Variants in NKAPD1 observed in about 807,000 individuals in gnomAD.
NKAPD1 encodes the protein NKAP domain containing 1.
In NKAPD1, 12 loss-of-function variants were observed where a neutral mutation model predicts 30.9. That is an observed-to-expected ratio of 0.39 (90% CI 0.25 to 0.63). The LOEUF (loss-of-function observed/expected upper bound fraction) is 0.63. NKAPD1 is among the 20% of genes least tolerant of loss of function. The pLI, the probability that NKAPD1 is intolerant of heterozygous loss-of-function variation, is 0.51. For synonymous variants in NKAPD1, 91 were observed against 113.6 expected, an observed-to-expected ratio of 0.80 and a Z score of 1.26; for missense variants, 311 against 344.5, an observed-to-expected ratio of 0.90 and a Z score of 0.77.
intron 3 of NKAPD1, among the ~76,000 whole-genome samples, chr11:112,079,455 A>T (rs1865398450): frequency 1.3e-5 from 2 of 151,958 alleles, no homozygotes; most frequent in Non-Finnish European, 2.9e-5. Flanking sequence ...CCCCTTAAAA[A>T]TTTTTGATAA....
At position 112,083,134 on chromosome 11, in the gene NKAPD1, C is replaced by G. The variant is rs914200741; in HGVS notation, c.*162C>G. 1.6e-6 allele frequency: 1 copy of G among 619,442 alleles called. No individual in the cohort carries two copies. The highest frequency in any genetic ancestry group is 1.9e-5 in the African/African-American group (1 of 54,042). The allele number at this position is 619,442 out of a possible 1,614,324, so 38.4% of individuals were successfully genotyped here. On this transcript the variant is annotated 3_prime_UTR_variant, in exon 6 of 6. Transcript: ENST00000393047. Reference sequence around the variant, plus strand: ...TCTTGTCTTCTATTTTGGCGTTAAGCTTGATCCCCTTTTCTTGTTAAAAGG... The same window carrying G: ...TCTTGTCTTCTATTTTGGCGTTAAGGTTGATCCCCTTTTCTTGTTAAAAGG...
At chr11:112,080,287 T>TA (rs398017598) in intron 3 of NKAPD1, 122 bp from the exon 4 acceptor site, 42 of 822,280 alleles carry the variant, frequency 5.1e-5, no homozygotes, top group African/African-American at 4.9e-4. Flanking sequence ...TTTTTTTTTT[T>TA]AAACAGTATC....
chr11:112,081,899 A>T, intron 4 of NKAPD1, 83 bp from the exon 5 acceptor site: 1 of 1,084,180 alleles, frequency 9.2e-7, no homozygotes, highest in Non-Finnish European at 1.4e-6. Flanking sequence ...GTATGCATGT[A>T]CTCCAAAGTC....
rs758322565 is a variant in NKAPD1 at position 112,075,552 on chromosome 11, G to A, written c.-8-15G>A. 2.5e-6 allele frequency: 4 copies of A among 1,568,648 alleles called. No homozygotes were observed. On this transcript the variant is annotated splice_polypyrimidine_tract_variant and intron_variant, in intron 1 of 5. Transcript: ENST00000393047. ...CAGAAATTATTACTAAACGTTATTT[G>A]TTGATTCATTTCAGATTGAAGAATG... is the stretch of plus-strand genomic sequence containing the variant.
intron 2 of NKAPD1, among the ~76,000 whole-genome samples, chr11:112,077,996 C>G (rs753444240): frequency 3.9e-5 from 6 of 152,076 alleles, no homozygotes; most frequent in Non-Finnish European, 8.8e-5. Context: ...CAGGTGCATG[C>G]TACCACGCCC....
intron 2 of NKAPD1, among the ~76,000 whole-genome samples, chr11:112,076,968 G>C (rs1160040019): frequency 6.6e-6 from 1 of 152,210 alleles, no homozygotes; most frequent in Non-Finnish European, 1.5e-5. Flanking sequence ...TTGGAGTAGA[G>C]GAGAAAAGTT....
At position 112,082,943 on chromosome 11, in the gene NKAPD1, A is replaced by G. The variant is rs556463514; in HGVS notation, c.853A>G (p.Arg285Gly). Residue 285 changes from arginine to glycine, a missense_variant, in exon 6 of 6, where the codon AGG (arginine) becomes GGG (glycine). Arg to Gly is a moderately radical substitution (Grantham distance 125). Coordinates refer to ENST00000393047, the MANE Select transcript of NKAPD1 (RefSeq NM_018195.4). ...AAATTGGAAAGTAGCTACAGATGAA[A>G]GGTCTGCTGAGAGCTCAGAGGATGA... ...RTNWKVATDE[R>G]SAESSEDD 6.2e-7 allele frequency: 1 copy of G among 1,602,318 alleles called. No individual in the cohort carries two copies. The highest frequency in any genetic ancestry group is 2.2e-5 in the East Asian group (1 of 44,842).
At position 112,080,453 on chromosome 11, in the gene NKAPD1, A is replaced by G; in HGVS notation, c.215A>G (p.Tyr72Cys). Residue 72 changes from tyrosine (Y) to cysteine (C), a missense_variant, in exon 4 of 6, where the codon TAT becomes TGT. By Grantham distance (194) the Tyr-to-Cys change is radical. Coordinates refer to ENST00000393047, the MANE Select transcript of NKAPD1 (RefSeq NM_018195.4). ...TTTGATGAAGAAAGTCAAAGATACT[A>G]TTGGAGGCCAAAGAATGAAATTTCT... ...DGFDEESQRY[Y>C]WRPKNEISGT... The G allele has an allele frequency of 6.2e-6, 10 of 1,614,096 alleles. No homozygotes were observed. The highest frequency in any genetic ancestry group is 8.5e-6 in the Non-Finnish European group (10 of 1,180,008).
rs1394799639 is a variant in NKAPD1 at position 112,082,522 on chromosome 11, T to G, written c.432T>G (p.Ser144=). Residue 144 remains serine (S), a synonymous_variant, in exon 6 of 6, where the codon TCT becomes TCG. Coordinates refer to ENST00000393047, the MANE Select transcript of NKAPD1 (RefSeq NM_018195.4). ...GKKTSPQVKS[S]THESRKHKKS... is the part of the protein sequence containing the mutation. ...AAACATCTCCCCAGGTAAAGTCATCTACCCATGAATCCCGCAAACACAAGA... is the reference window on the plus strand; with the variant it reads ...AAACATCTCCCCAGGTAAAGTCATCGACCCATGAATCCCGCAAACACAAGA... 1.2e-6 allele frequency: 2 copies of G among 1,607,684 alleles called. No individual in the cohort carries two copies. The highest frequency in any genetic ancestry group is 1.7e-5 in the Admixed American group (1 of 58,242).
rs1278737862 is a variant in NKAPD1 at position 112,078,161 on chromosome 11, T to TA, written c.70-52dup. ...GCCCGGCCAGTTAGTTACTTTTCTG[T>TA]AATGTAAAGTTATTTTTAGTAACTT... On this transcript the variant is annotated intron_variant, in intron 2 of 5. Transcript: ENST00000393047. The TA allele has an allele frequency of 8.0e-6, 11 of 1,376,354 alleles. No homozygotes were observed. In the East Asian group the frequency reaches 1.8e-4, roughly 22 times the overall value. 85.3% of individuals were successfully genotyped at this position (1,376,354 alleles called of 1,614,324 possible).
At chr11:112,075,989 C>A (rs925848285) in intron 2 of NKAPD1, among the ~76,000 whole-genome samples, 1 of 152,174 alleles carries the variant, frequency 6.6e-6, no homozygotes, top group Admixed American at 6.5e-5. Context: ...TATGAAATAT[C>A]ATTCTGGATA....
At chr11:112,078,079 CATG>C (rs1171637293) in intron 2 of NKAPD1, 133 bp from the exon 3 acceptor site, 3 of 587,022 alleles carry the variant, frequency 5.1e-6, no homozygotes, top group African/African-American at 3.8e-5. Flanking sequence ...CTCTTGACCT[CATG>C]ATCTGCCTGC....
chr11:112,077,535 G>A (rs1210772656), intron 2 of NKAPD1, among the ~76,000 whole-genome samples: 1 of 152,270 alleles, frequency 6.6e-6, no homozygotes, highest in East Asian at 1.9e-4. Flanking sequence ...AATAATGGTA[G>A]CTGCTATATT....
Position 112,082,476 on chromosome 11 carries a change from A to G in NKAPD1, c.386A>G (p.Gln129Arg). The stretch of plus-strand genomic sequence containing the variant: ...ACTTTTCTTATTAGTAGTGATCAGC[A>G]AGATATTACCAACGGGAAGAAAACA... ...EEFETDSSDQ[Q>R]DITNGKKTSP... is the part of the protein sequence containing the mutation. Residue 129 changes from glutamine (Q) to arginine (R), a missense_variant, in exon 6 of 6, where the codon CAA (glutamine) becomes CGA (arginine). Physicochemically the swap from Gln to Arg is conservative, Grantham distance 43 (BLOSUM62 1). Coordinates refer to ENST00000393047, the MANE Select transcript of NKAPD1 (RefSeq NM_018195.4). 1 of 1,578,512 alleles carries G rather than the reference A, an allele frequency of 6.3e-7. No individual in the cohort carries two copies. The highest frequency in any genetic ancestry group is 8.5e-7 in the Non-Finnish European group (1 of 1,169,824).
intron 2 of NKAPD1, 25 bp downstream of exon 2, chr11:112,075,668 C>G: frequency 6.2e-7 from 1 of 1,602,134 alleles, no homozygotes; most frequent in Non-Finnish European, 8.5e-7. Flanking sequence ...CTAGTTACTC[C>G]TCAACGCTTA....
At chr11:112,078,698 C>T (rs938278457) in intron 3 of NKAPD1, among the ~76,000 whole-genome samples, 2 of 152,128 alleles carry the variant, frequency 1.3e-5, no homozygotes, top group African/African-American at 4.8e-5. Context: ...GCTGGAACTG[C>T]AGGTGCATGC....
At chr11:112,078,485 A>G (rs922909948) in intron 3 of NKAPD1, among the ~76,000 whole-genome samples, 170 bp downstream of exon 3, 1 of 152,184 alleles carries the variant, frequency 6.6e-6, no homozygotes, top group Non-Finnish European at 1.5e-5. Flanking sequence ...TGTGACGCAT[A>G]TGGCCCTGCT....
chr11:112,077,389 T>A (rs1247689844), intron 2 of NKAPD1, among the ~76,000 whole-genome samples: 3 of 152,204 alleles, frequency 2.0e-5, no homozygotes, highest in Non-Finnish European at 4.4e-5. Flanking sequence ...TACTGATTAT[T>A]TTATTTTATT....
Position 112,083,081 on chromosome 11 carries a change from T to G in NKAPD1, c.*109T>G. The G allele has an allele frequency of 8.6e-7, 1 of 1,157,232 alleles. No individual in the cohort carries two copies. The highest frequency in any genetic ancestry group is 1.2e-6 in the Non-Finnish European group (1 of 850,398). 71.7% of individuals were successfully genotyped at this position (1,157,232 alleles called of 1,614,324 possible). On this transcript the variant is annotated 3_prime_UTR_variant, in exon 6 of 6. Coordinates refer to ENST00000393047, the MANE Select transcript of NKAPD1 (RefSeq NM_018195.4). ...CACGGGGCCTGAGGTCAGAGCTGTC[T>G]TGTGCCATCTGTATGTTCTGACAGA...
Sources: gnomAD v4.1 joint callset for allele counts (sites outside exome capture counted in the v4.1 genomes callset) on GRCh38, gnomAD v4.1.1 for gene constraint, MANE v1.5 for transcripts, NCBI Gene and HGNC (gene_info 2026-07-23, HGNC 2026-07-21) for gene names.